ALPL: variants seen among roughly 807,000 people sequenced by gnomAD.
The protein encoded by ALPL is alkaline phosphatase, tissue-nonspecific isozyme.
Under a neutral mutation model 51.3 loss-of-function variants are expected in ALPL, and 42 were observed. The ratio of observed to expected loss-of-function variants is 0.82; its 90% confidence interval spans 0.64 to 1.06. The LOEUF (loss-of-function observed/expected upper bound fraction) is 1.06, where lower values mean the gene tolerates loss of function less well. ALPL is among the 50% of genes least tolerant of loss of function. The probability of loss-of-function intolerance (pLI) is 0.00; values close to 1 mark genes in which losing one functional copy is unlikely to be tolerated. For synonymous variants in ALPL, 279 were observed against 296.4 expected (o/e 0.94, Z 0.60); for missense variants, 589 against 709.4 (o/e 0.83, Z 1.93).
chr1:21,569,070 G>A (rs907814623), intron 7 of ALPL, among the ~76,000 whole-genome samples: 4 of 152,078 alleles, frequency 2.6e-5, no homozygotes, highest in African/African-American at 7.2e-5. Flanking sequence ...GGGAGGCCTC[G>A]TGGGATGAGG....
At chr1:21,541,761 C>T (rs1644189421) in intron 1 of ALPL, among the ~76,000 whole-genome samples, 1 of 152,194 alleles carries the variant, frequency 6.6e-6, no homozygotes, top group East Asian at 1.9e-4. Context: ...CAGCATGGGA[C>T]ATTCTAGTCT....
intron 1 of ALPL, among the ~76,000 whole-genome samples, chr1:21,523,563 A>T (rs1267247842): frequency 6.6e-6 from 1 of 152,044 alleles, no homozygotes; most frequent in Non-Finnish European, 1.5e-5. Context: ...CCATCTCCTC[A>T]GGGGCCTCCC....
At chr1:21,524,533 G>C (rs1046312023) in intron 1 of ALPL, among the ~76,000 whole-genome samples, 8 of 152,186 alleles carry the variant, frequency 5.3e-5, no homozygotes, top group African/African-American at 1.9e-4. Flanking sequence ...ATGAATAGAA[G>C]CACAAAGGAA....
chr1:21,575,676 G>T (rs1644717679), intron 9 of ALPL, 57 bp from the exon 10 acceptor site: 2 of 1,600,994 alleles, frequency 1.2e-6, no homozygotes, highest in Non-Finnish European at 8.6e-7. Flanking sequence ...TGTGGGGCTG[G>T]GGAGCAGATC....
At chr1:21,518,117 AC>A (rs766610192) in intron 1 of ALPL, among the ~76,000 whole-genome samples, 4 of 151,914 alleles carry the variant, frequency 2.6e-5, no homozygotes, top group Non-Finnish European at 5.9e-5. Context: ...TGGGGTAGGA[AC>A]CTTTTATGAG....
At chr1:21,575,991 G>A (rs1644726448) in intron 10 of ALPL, 67 bp downstream of exon 10, 4 of 1,581,818 alleles carry the variant, frequency 2.5e-6, no homozygotes, top group Non-Finnish European at 3.5e-6. Context: ...GAGCAGGAGT[G>A]GGTGGGAGAG....
At chr1:21,515,998 C>T (rs1643792784) in intron 1 of ALPL, among the ~76,000 whole-genome samples, 1 of 152,184 alleles carries the variant, frequency 6.6e-6, no homozygotes, top group South Asian at 2.1e-4. Flanking sequence ...CCTACCCCAA[C>T]CTCTCAAGTA....
intron 1 of ALPL, among the ~76,000 whole-genome samples, chr1:21,552,641 G>T (rs905925306): frequency 6.6e-6 from 1 of 152,082 alleles, no homozygotes; most frequent in African/African-American, 2.4e-5. Flanking sequence ...CCAACTCCAG[G>T]CCTGAAGCGA....
At position 21,522,282 on chromosome 1, in the gene ALPL, G is replaced by C. The variant is rs1286776155; in HGVS notation, c.-105+12765G>C. Among the ~76,000 whole-genome samples, 5 of 152,210 alleles carry C rather than the reference G, an allele frequency of 3.3e-5. No homozygotes were observed. In the South Asian group the frequency reaches 6.2e-4, roughly 19 times the overall value. The stretch of plus-strand genomic sequence containing the variant: ...GTAGAGACAGGGTTTCACCATGTTA[G>C]CCAGGATGGTCTCCATCTCCTGACT... On this transcript the variant is annotated intron_variant, in intron 1 of 11. Coordinates refer to ENST00000374840, the MANE Select transcript of ALPL (RefSeq NM_000478.6).
intron 11 of ALPL, 29 bp downstream of exon 11, chr1:21,576,670 G>T: frequency 6.2e-7 from 1 of 1,612,980 alleles, no homozygotes; most frequent in Admixed American, 1.7e-5. Flanking sequence ...AGGGCTGGGA[G>T]GGGACAGGGC....
intron 1 of ALPL, among the ~76,000 whole-genome samples, chr1:21,514,500 T>C (rs1643755392): frequency 6.6e-6 from 1 of 152,162 alleles, no homozygotes; most frequent in African/African-American, 2.4e-5. Context: ...CAGGGCCTGG[T>C]GATGACAGGC....
intron 1 of ALPL, among the ~76,000 whole-genome samples, chr1:21,517,822 C>T (rs943518233): frequency 6.6e-6 from 1 of 152,118 alleles, no homozygotes; most frequent in South Asian, 2.1e-4. Context: ...TTCCTCTCTC[C>T]TGCCCTGCAC....
intron 1 of ALPL, among the ~76,000 whole-genome samples, chr1:21,539,084 T>G (rs1644147674): frequency 6.6e-6 from 1 of 152,262 alleles, no homozygotes. Context: ...ATGTACATAT[T>G]GCAGAGAGGG....
At chr1:21,560,996 G>T in intron 3 of ALPL, 101 bp from the exon 4 acceptor site, 3 of 1,176,698 alleles carry the variant, frequency 2.5e-6, no homozygotes, top group Non-Finnish European at 3.7e-6. Flanking sequence ...CCAACTGCCC[G>T]AGCCTGCCTT....
intron 1 of ALPL, among the ~76,000 whole-genome samples, chr1:21,513,638 T>C (rs1643734845): frequency 6.6e-6 from 1 of 152,236 alleles, no homozygotes; most frequent in Non-Finnish European, 1.5e-5. Flanking sequence ...TGCTGTGTGC[T>C]GGGTTATGGG....
rs12025154 is a variant in ALPL, at chr1:21,510,282, C to G, written c.-105+765C>G. ...GCAGGAGGCCGAGGAAAGCCTCCCC[C>G]ACTCCCCATTGTGCCTTATGACTCT... On this transcript the variant is annotated intron_variant, in intron 1 of 11. Transcript: ENST00000374840. Among the ~76,000 whole-genome samples, 337 of 152,348 alleles carry G rather than the reference C, an allele frequency of 2.2e-3. 6 individuals are homozygous for G. The East Asian group carries it at 0.043, about 20-fold the overall frequency.
intron 1 of ALPL, among the ~76,000 whole-genome samples, chr1:21,513,868 T>A (rs995631845): frequency 6.6e-6 from 1 of 152,232 alleles, no homozygotes; most frequent in African/African-American, 2.4e-5. Context: ...GATTAGCAGC[T>A]GCTCCATCCA....
intron 8 of ALPL, among the ~76,000 whole-genome samples, chr1:21,571,691 A>ATGATTTTG (rs1644650844): frequency 6.6e-6 from 1 of 150,994 alleles, no homozygotes; most frequent in African/African-American, 2.4e-5. Flanking sequence ...AACAAAGAAC[A>ATGATTTTG]AACACGAAAA....
intron 1 of ALPL, among the ~76,000 whole-genome samples, chr1:21,512,299 C>T (rs986949037): frequency 5.3e-5 from 8 of 152,150 alleles, no homozygotes; most frequent in African/African-American, 4.8e-5. Flanking sequence ...CACTGCCATG[C>T]GACCCTGGAC....
Sources: gnomAD v4.1 joint callset for allele counts (sites outside exome capture counted in the v4.1 genomes callset) on GRCh38, gnomAD v4.1.1 for gene constraint, MANE v1.5 for transcripts, NCBI Gene and HGNC (gene_info 2026-07-23, HGNC 2026-07-21) for gene names.